The following STAG2 variants were observed in gnomAD, a reference collection of about 807,000 sequenced individuals.
STAG2 encodes STAG2 cohesin complex component.
In STAG2, 14 loss-of-function variants were observed where a neutral mutation model predicts 108.1. The ratio of observed to expected loss-of-function variants is 0.13; its 90% CI spans 0.09 to 0.20. STAG2 has a LOEUF of 0.20. STAG2 is among the 10% of genes least tolerant of loss of function. STAG2 has a pLI of 1.00. For missense variants in STAG2, 440 were observed against 940.9 expected (o/e 0.47, Z 6.96); for synonymous variants, 307 against 302.7 (o/e 1.01, Z -0.15).
intron 28 of STAG2, 117 bp downstream of exon 28, chrX:124,081,645 T>C: frequency 1.8e-6 from 1 of 570,204 alleles, no homozygotes; most frequent in East Asian, 3.9e-5. Flanking sequence ...TATTAGCTTA[T>C]AAATCTCTAC....
rs1052194654 is a variant in STAG2 at position 123,964,635 on chromosome X, G to A, written c.-163+2779G>A. 6.3e-5 allele frequency among the ~76,000 whole-genome samples: 7 copies of A among 110,365 alleles called. No individual in the cohort carries two copies. In the East Asian group the frequency reaches 2.0e-3, roughly 31 times the overall value. ...TAGAGAAGTGGGTTGGAAAAGAAAT[G>A]TACTTATTAGCTATTCCTTCCCACT... On this transcript the variant is annotated intron_variant, in intron 1 of 34. Transcript: ENST00000371145.
chrX:124,004,118 T>C (rs1471271222), intron 1 of STAG2, among the ~76,000 whole-genome samples: 1 of 111,968 alleles, frequency 8.9e-6, no homozygotes, highest in Non-Finnish European at 1.9e-5. Flanking sequence ...TTGAAAACTT[T>C]CTAGAGGTTC....
chrX:124,023,118 A>G (rs1254750697), intron 3 of STAG2, among the ~76,000 whole-genome samples: 1 of 112,422 alleles, frequency 8.9e-6, no homozygotes, highest in Non-Finnish European at 1.9e-5. Context: ...TGTTTTCAAC[A>G]TAGGTATCCT....
chrX:124,081,096 T>TC (rs1352339241), intron 27 of STAG2, among the ~76,000 whole-genome samples: 6 of 50,979 alleles, frequency 1.2e-4, no homozygotes, highest in African/African-American at 2.9e-4. Flanking sequence ...GGGGTTTTTT[T>TC]TCCCCTTTAT....
chrX:123,998,530 C>A (rs1242945001), intron 1 of STAG2, among the ~76,000 whole-genome samples: 1 of 105,346 alleles, frequency 9.5e-6, no homozygotes, highest in Non-Finnish European at 1.9e-5. Context: ...TCCACAGTTA[C>A]ATCCCCACAG....
At chrX:124,012,269 CTT>C (rs1204354531) in intron 1 of STAG2, among the ~76,000 whole-genome samples, 1 of 111,859 alleles carries the variant, frequency 8.9e-6, no homozygotes, top group Non-Finnish European at 1.9e-5. Context: ...CTTATAGTGT[CTT>C]TTTCTGGCTT....
In STAG2 at chrX:124,006,436, A is replaced by AT. The variant is rs36109062; in HGVS notation, c.-162-14911dup. 2.9e-3 allele frequency among the ~76,000 whole-genome samples: 189 copies of AT among 64,180 alleles called. 2 individuals carry two copies. Among genetic ancestry groups the AT allele is most frequent in the African/African-American group, 7.5e-3 (131 of 17,552 alleles). The allele number at this position is 64,180 out of a possible 115,157, so 55.7% of individuals were successfully genotyped here. ...TTTGCTATCATTTGGTGTTGTCACT[A>AT]TTTTTTTTTTTTTTTTTTTTGAGAG... On this transcript the variant is annotated intron_variant, in intron 1 of 34. Transcript: ENST00000371145.
Position 124,025,898 on chromosome X carries a change from C to A in STAG2, c.103C>A (p.Gln35Lys). 8.4e-7 allele frequency: 1 copy of A among 1,186,556 alleles called. No individual in the cohort carries two copies. ...TTTTGAAGATATCGAAGGAAAAAAC[C>A]AAAAGCAAGGCAAAGGCAAAGTATG... ...TDFEDIEGKN[Q>K]KQGKGKTCKK... Residue 35 changes from glutamine to lysine, a missense_variant, in exon 4 of 35, where the codon CAA becomes AAA. Physicochemically the swap from Gln to Lys is moderately conservative, Grantham distance 53. Transcript: ENST00000371145.
intron 1 of STAG2, among the ~76,000 whole-genome samples, chrX:123,971,178 C>T (rs1021537547): frequency 1.8e-5 from 2 of 112,139 alleles, no homozygotes; most frequent in African/African-American, 6.5e-5. Context: ...GCCTGTAATC[C>T]CAGCACTTTG....
intron 1 of STAG2, among the ~76,000 whole-genome samples, chrX:123,992,142 A>G (rs1049786023): frequency 1.4e-4 from 16 of 111,553 alleles, no homozygotes; most frequent in Non-Finnish European, 3.0e-4. Flanking sequence ...CCAATCCCCC[A>G]TGGATACTGA....
intron 1 of STAG2, among the ~76,000 whole-genome samples, chrX:123,972,200 A>C (rs2147544899): frequency 9.3e-6 from 1 of 107,992 alleles, no homozygotes; most frequent in African/African-American, 3.4e-5. Flanking sequence ...CTATTTTAAT[A>C]GTTCATTGAG....
intron 24 of STAG2, 82 bp downstream of exon 24, chrX:124,068,738 T>A (rs765462224): frequency 3.1e-6 from 2 of 644,194 alleles, no homozygotes; most frequent in East Asian, 3.7e-5. Flanking sequence ...TAAATAATAC[T>A]AAGATTGAGC....
intron 1 of STAG2, among the ~76,000 whole-genome samples, chrX:123,970,264 G>A (rs977618753): frequency 9.1e-6 from 1 of 109,848 alleles, no homozygotes; most frequent in Non-Finnish European, 1.9e-5. Flanking sequence ...AAGAACTGGT[G>A]TTCCATGACA....
intron 1 of STAG2, among the ~76,000 whole-genome samples, chrX:123,965,691 T>G (rs1264741049): frequency 2.7e-5 from 3 of 111,891 alleles, no homozygotes; most frequent in African/African-American, 9.8e-5. Context: ...GCAAGTTGAC[T>G]TTTGAACTTA....
At chrX:123,983,963 TC>T (rs1339829837) in intron 1 of STAG2, among the ~76,000 whole-genome samples, 1 of 86,321 alleles carries the variant, frequency 1.2e-5, no homozygotes, top group African/African-American at 4.9e-5. Context: ...AGAATAATTT[TC>T]TTTTCTTTTC....
Position 124,057,923 on chromosome X carries a change from A to T in STAG2, c.1362A>T (p.Gln454His). ...GAATGATGAAAAGAAGAGGAAGACA[A>T]GGTCCAAATGCCAACCTTGTTAAGA... Reference protein sequence around the residue: ...EDGMMKRRGRQGPNANLVKTL... With the variant: ...EDGMMKRRGRHGPNANLVKTL... Residue 454 changes from glutamine to histidine, a missense_variant, in exon 15 of 35, where the codon CAA becomes CAT. This residue lies in a region of STAG2 where 337 missense variants were observed against 649.3 expected (regional missense o/e 0.52). Transcript: ENST00000371145. 1 of 1,196,846 alleles carries T rather than the reference A, an allele frequency of 8.4e-7. No homozygotes were observed. Among genetic ancestry groups the T allele is most frequent in the Non-Finnish European group, 1.1e-6 (1 of 887,706 alleles).
intron 13 of STAG2, among the ~76,000 whole-genome samples, chrX:124,051,992 A>T (rs1160578200): frequency 8.9e-6 from 1 of 112,115 alleles, no homozygotes; most frequent in Non-Finnish European, 1.9e-5. Context: ...TGAAATAAGC[A>T]CATCAGTGTA....
intron 6 of STAG2, 70 bp downstream of exon 6, chrX:124,037,693 T>C: frequency 1.7e-6 from 1 of 595,174 alleles, no homozygotes; most frequent in Non-Finnish European, 2.5e-6. Context: ...AAAGAGATGT[T>C]GTTAGCACTT....
chrX:124,018,255 G>A (rs2056797097), intron 1 of STAG2, among the ~76,000 whole-genome samples: 1 of 112,313 alleles, frequency 8.9e-6, no homozygotes, highest in South Asian at 3.6e-4. Context: ...TGATCTTGGA[G>A]CATATTTTTT....
Sources: gnomAD v4.1 joint callset for allele counts (sites outside exome capture counted in the v4.1 genomes callset) on GRCh38, gnomAD v4.1.1 for gene constraint, gnomAD v4.1.1 regional missense constraint, MANE v1.5 for transcripts, NCBI Gene and HGNC (gene_info 2026-07-23, HGNC 2026-07-21) for gene names.